Variants in CEP112 observed in about 807,000 individuals in gnomAD.
CEP112 encodes the protein centrosomal protein 112.
A neutral mutation model predicts 153.0 loss-of-function variants in CEP112; 127 were observed. The observed-to-expected ratio is 0.83, with a 90% CI of 0.72 to 0.96. The LOEUF is 0.96. CEP112 is among the 40% of genes least tolerant of loss of function. CEP112 has a pLI of 0.00. For synonymous variants in CEP112, 358 were observed against 374.4 expected (o/e 0.96, Z 0.51); for missense variants, 1,089 against 1,101.2 (o/e 0.99, Z 0.16).
In CEP112 at chr17:65,686,391, T is replaced by C. The variant is rs184715602; in HGVS notation, c.2697+2738A>G. Among the ~76,000 whole-genome samples, 278 of 152,316 alleles carry C rather than the reference T, an allele frequency of 1.8e-3. 2 individuals are homozygous for C. The highest frequency in any genetic ancestry group is 4.7e-3 in the Admixed American group (72 of 15,302). Reference sequence around the variant, plus strand: ...TCCTGAATCCTTCTCTATTGTTCATTTGGGATTTCTTAATTTCCCTACTCT... The same window carrying C: ...TCCTGAATCCTTCTCTATTGTTCATCTGGGATTTCTTAATTTCCCTACTCT... On this transcript the variant is annotated intron_variant, in intron 24 of 26. Coordinates refer to ENST00000535342, the MANE Select transcript of CEP112 (RefSeq NM_001199165.4).
chr17:65,913,745 T>C (rs561875700), intron 19 of CEP112: 1 of 985,482 alleles, frequency 1.0e-6, no homozygotes, highest in Non-Finnish European at 1.2e-6. Context: ...CCAGGACTAC[T>C]GCCTGCTGAA....
intron 23 of CEP112, among the ~76,000 whole-genome samples, chr17:65,701,215 C>T (rs1356228169): frequency 6.6e-6 from 1 of 152,126 alleles, no homozygotes; most frequent in Admixed American, 6.5e-5. Flanking sequence ...AGCCACAAGA[C>T]AGGTTGCAGG....
chr17:65,996,328 C>T (rs2063791696), intron 17 of CEP112, among the ~76,000 whole-genome samples: 1 of 150,978 alleles, frequency 6.6e-6, no homozygotes, highest in African/African-American at 2.4e-5. Flanking sequence ...ACATGCACCC[C>T]CTGAATCTAA....
intron 4 of CEP112, among the ~76,000 whole-genome samples, chr17:66,155,626 C>G (rs2146715996): frequency 6.6e-6 from 1 of 152,222 alleles, no homozygotes; most frequent in African/African-American, 2.4e-5. Context: ...CCACAGAGCC[C>G]AACAAGCTAA....
intron 8 of CEP112, among the ~76,000 whole-genome samples, chr17:66,077,599 T>G (rs1257711386): frequency 6.6e-6 from 1 of 152,212 alleles, no homozygotes; most frequent in Non-Finnish European, 1.5e-5. Context: ...TCGGTATTCC[T>G]GAGGAAGAAG....
chr17:66,123,717 C>T (rs531504335), intron 6 of CEP112, among the ~76,000 whole-genome samples: 4 of 152,298 alleles, frequency 2.6e-5, no homozygotes, highest in East Asian at 3.9e-4. Flanking sequence ...GGCTACATCC[C>T]ACACATTTTG....
intron 21 of CEP112, among the ~76,000 whole-genome samples, chr17:65,823,665 A>G (rs2056702009): frequency 1.3e-5 from 2 of 152,218 alleles, no homozygotes; most frequent in African/African-American, 4.8e-5. Flanking sequence ...GTCAGAATTC[A>G]TAAAAATTAA....
intron 8 of CEP112, among the ~76,000 whole-genome samples, chr17:66,093,754 C>G (rs1407124571): frequency 6.6e-6 from 1 of 152,034 alleles, no homozygotes; most frequent in Non-Finnish European, 1.5e-5. Context: ...CCATGCTATC[C>G]AAAGCAATCT....
chr17:65,816,323 G>C lies in CEP112; in HGVS notation c.2394+35481C>G, dbSNP rs1004937876. ...TATTCCCATAGGTTATTGGGGAACA[G>C]GTGGTGTTTGGTTACATGAATAAGT... is the stretch of plus-strand genomic sequence containing the variant. On this transcript the variant is annotated intron_variant, in intron 21 of 26. Transcript: ENST00000535342. Among the ~76,000 whole-genome samples the C allele has an allele frequency of 2.0e-5, 3 of 151,904 alleles. No homozygotes were observed. The East Asian group carries it at 5.8e-4, about 29-fold the overall frequency.
chr17:66,035,178 G>GA (rs1205263069), intron 12 of CEP112, among the ~76,000 whole-genome samples: 3 of 151,018 alleles, frequency 2.0e-5, no homozygotes, highest in Admixed American at 6.6e-5. Flanking sequence ...TTAAAATGAT[G>GA]AAAAAAATTA....
intron 21 of CEP112, among the ~76,000 whole-genome samples, chr17:65,834,472 C>T (rs1355269299): frequency 6.6e-6 from 1 of 152,012 alleles, no homozygotes; most frequent in African/African-American, 2.4e-5. Flanking sequence ...GTCTAATATC[C>T]AGCATCTATA....
intron 23 of CEP112, among the ~76,000 whole-genome samples, chr17:65,704,042 C>A (rs551113858): frequency 2.6e-5 from 4 of 152,104 alleles, no homozygotes; most frequent in African/African-American, 9.6e-5. Flanking sequence ...GACGAGGTCA[C>A]CCTGGAGTAG....
intron 21 of CEP112, among the ~76,000 whole-genome samples, chr17:65,821,519 TA>T (rs1568067137): frequency 7.1e-4 from 19 of 26,678 alleles, no homozygotes; most frequent in South Asian, 3.4e-3. Flanking sequence ...TATAATTATA[TA>T]TATATATATA....
intron 19 of CEP112, among the ~76,000 whole-genome samples, chr17:65,914,117 CTAAT>C (rs2060385725): frequency 2.6e-5 from 4 of 151,640 alleles, no homozygotes; most frequent in East Asian, 1.9e-4. Flanking sequence ...GATTAATTAA[CTAAT>C]TAACTAAATT....
intron 1 of CEP112, among the ~76,000 whole-genome samples, chr17:66,187,341 T>C (rs1358013149): frequency 6.6e-6 from 1 of 152,196 alleles, no homozygotes; most frequent in Non-Finnish European, 1.5e-5. Context: ...CTTCATCAAC[T>C]TCTATCCAGA....
chr17:65,961,894 G>A (rs1423459858), intron 17 of CEP112, among the ~76,000 whole-genome samples: 1 of 152,194 alleles, frequency 6.6e-6, no homozygotes, highest in Non-Finnish European at 1.5e-5. Flanking sequence ...ACAAAATGTG[G>A]AATAGCTATC....
At chr17:65,660,256 TTTTTC>T (rs1324952033) in intron 24 of CEP112, among the ~76,000 whole-genome samples, 3 of 139,966 alleles carry the variant, frequency 2.1e-5, no homozygotes, top group East Asian at 4.5e-4. Flanking sequence ...TTTTCTTTCT[TTTTTC>T]TTTTCTTTTT....
chr17:65,676,009 G>C (rs774712938), intron 24 of CEP112, among the ~76,000 whole-genome samples: 40 of 152,240 alleles, frequency 2.6e-4, no homozygotes, highest in Middle Eastern at 3.4e-3. Context: ...ATTTCAGTAT[G>C]TCAGCAACAA....
chr17:65,746,512 ATTTAATAC>A (rs2145201957), intron 22 of CEP112, among the ~76,000 whole-genome samples: 1 of 152,306 alleles, frequency 6.6e-6, no homozygotes, highest in African/African-American at 2.4e-5. Context: ...AAAAAACAAG[ATTTAATAC>A]TTTAAGATTG....
Sources: allele counts gnomAD v4.1 joint callset (sites outside exome capture counted in the v4.1 genomes callset), GRCh38; gene constraint gnomAD v4.1.1; transcripts MANE v1.5; gene names NCBI Gene and HGNC (gene_info 2026-07-23, HGNC 2026-07-21).